Variants in SLC6A11 observed in about 807,000 individuals in gnomAD.
SLC6A11 encodes the protein sodium- and chloride-dependent GABA transporter 3.
SLC6A11 carries 25 observed loss-of-function variants against 74.8 expected under a neutral mutation model. The observed-to-expected ratio is 0.33, with a 90% CI of 0.24 to 0.47. SLC6A11 has a LOEUF of 0.47. Ranked by LOEUF, SLC6A11 falls within the 20% of genes least tolerant of loss-of-function variation. The probability of loss-of-function intolerance (pLI) is 1.00; values close to 1 mark genes in which losing one functional copy is unlikely to be tolerated. For synonymous variants in SLC6A11, 330 were observed against 330.2 expected, an observed-to-expected ratio of 1.00 and a Z score of 0.01; for missense variants, 574 against 837.0, an observed-to-expected ratio of 0.69 and a Z score of 3.88.
chr3:10,904,758 C>T (rs1462224011), intron 6 of SLC6A11, among the ~76,000 whole-genome samples: 1 of 152,156 alleles, frequency 6.6e-6, no homozygotes, highest in African/African-American at 2.4e-5. Flanking sequence ...CAGGCCTACT[C>T]AGCAGACCAG....
intron 7 of SLC6A11, among the ~76,000 whole-genome samples, chr3:10,916,531 C>T (rs1444631565): frequency 6.6e-6 from 1 of 152,152 alleles, no homozygotes; most frequent in East Asian, 1.9e-4. Context: ...TTCTGGGGTC[C>T]AGGCCGAAGG....
At position 10,874,944 on chromosome 3, in the gene SLC6A11, T is replaced by A. The variant is rs1227436146; in HGVS notation, c.757-17T>A. On this transcript the variant is annotated splice_polypyrimidine_tract_variant and intron_variant, in intron 5 of 13. Coordinates refer to ENST00000254488, the MANE Select transcript of SLC6A11 (RefSeq NM_014229.3). ...TCTCACCCCCTTCTTGATTCTGTCC[T>A]CTCCTCTTGTGCACAGGTTGTATAC... 6.3e-7 allele frequency: 1 copy of A among 1,591,566 alleles called. No homozygotes were observed. The highest frequency in any genetic ancestry group is 2.3e-5 in the East Asian group (1 of 44,026).
Position 10,938,701 on chromosome 3 carries a change from T to C in SLC6A11, c.*299T>C, listed in dbSNP as rs1044033916. On this transcript the variant is annotated 3_prime_UTR_variant, in exon 14 of 14. Coordinates refer to ENST00000254488, the MANE Select transcript of SLC6A11 (RefSeq NM_014229.3). ...GGGATTAGGAAGAAGTGTATAATAT[T>C]GTAAAACTTTTTTTACTGGGGTTGT... The C allele has an allele frequency of 2.7e-5, 6 of 225,364 alleles. No homozygotes were observed. Among genetic ancestry groups the C allele is most frequent in the Non-Finnish European group, 5.2e-5 (6 of 116,370 alleles). The allele number at this position is 225,364 out of a possible 1,614,324, so 14.0% of individuals were successfully genotyped here.
rs76007414 is a variant in SLC6A11 at position 10,931,997 on chromosome 3, T to C, written c.1372-1154T>C. 2.6e-5 allele frequency among the ~76,000 whole-genome samples: 4 copies of C among 152,322 alleles called. No individual in the cohort carries two copies. In the East Asian group the frequency reaches 7.7e-4, roughly 29 times the overall value. ...GTTTCATTCCAGCCCCCTAATGCAC[T>C]GTCCTGGTATTCAGGCTACCCCACC... is the stretch of plus-strand genomic sequence containing the variant. On this transcript the variant is annotated intron_variant, in intron 10 of 13. Transcript: ENST00000254488.
At position 10,823,378 on chromosome 3, in the gene SLC6A11, C is replaced by A; in HGVS notation, c.609C>A (p.Val203=). The stretch of plus-strand genomic sequence containing the variant: ...CTCTGCAGAATGCCACCTCCCCTGT[C>A]ATGGAGTTTTGGGAGTAAGTGGAGA... ...HVSLQNATSP[V]MEFWEHRVLA... The change falls in exon 4 of 14, where the codon GTC becomes GTA. Residue 203 remains valine (V), a synonymous_variant. Transcript: ENST00000254488. 6.2e-7 allele frequency: 1 copy of A among 1,612,428 alleles called. No individual in the cohort carries two copies. Among genetic ancestry groups the A allele is most frequent in the South Asian group, 1.1e-5 (1 of 91,038 alleles).
intron 6 of SLC6A11, among the ~76,000 whole-genome samples, chr3:10,910,538 G>A (rs528030764): frequency 3.3e-5 from 5 of 152,124 alleles, no homozygotes; most frequent in African/African-American, 9.7e-5. Flanking sequence ...GTGAGCTTCC[G>A]GTCACTGGTG....
At position 10,918,286 on chromosome 3, in the gene SLC6A11, T is replaced by G; in HGVS notation, c.996-43T>G. On this transcript the variant is annotated intron_variant, in intron 7 of 13. Transcript: ENST00000254488. The surrounding 1 kb of genome is among the most constrained non-coding windows in gnomAD (Gnocchi z 4.5). ...GAGAACGTTTGAGCCGTGCACCGGT[T>G]CTGCCCGCTCTGACCCTAGTGCCTC... The G allele has an allele frequency of 1.3e-6, 2 of 1,525,814 alleles. No individual in the cohort carries two copies. Among genetic ancestry groups the G allele is most frequent in the Non-Finnish European group, 8.8e-7 (1 of 1,138,420 alleles). The allele number at this position is 1,525,814 out of a possible 1,614,324, so 94.5% of individuals were successfully genotyped here.
At chr3:10,871,394 T>A (rs1336612411) in intron 5 of SLC6A11, among the ~76,000 whole-genome samples, 1 of 152,222 alleles carries the variant, frequency 6.6e-6, no homozygotes, top group Non-Finnish European at 1.5e-5. Context: ...CCAAATATTA[T>A]GTATCTGGAA....
At position 10,829,341 on chromosome 3, in the gene SLC6A11, T is replaced by C. The variant is rs200641075; in HGVS notation, c.623+5949T>C. ...AGGCACAGGGTCCCTTCCAGCCTCA[T>C]CTCTACAGGTACAGAGTCATGGTTG... On this transcript the variant is annotated intron_variant, in intron 4 of 13. Coordinates refer to ENST00000254488, the MANE Select transcript of SLC6A11 (RefSeq NM_014229.3). Among the ~76,000 whole-genome samples the C allele has an allele frequency of 2.0e-5, 3 of 152,304 alleles. No homozygotes were observed. In the East Asian group the frequency reaches 5.8e-4, roughly 29 times the overall value.
chr3:10,819,377 G>A (rs1694106457), intron 1 of SLC6A11, 88 bp from the exon 2 acceptor site: 1 of 1,313,368 alleles, frequency 7.6e-7, no homozygotes, highest in East Asian at 2.3e-5. Flanking sequence ...ATCATGTCTG[G>A]CCTGTAGTAG....
intron 6 of SLC6A11, among the ~76,000 whole-genome samples, chr3:10,906,795 T>C (rs1250344807): frequency 3.9e-5 from 6 of 152,154 alleles, no homozygotes; most frequent in Non-Finnish European, 7.4e-5. Flanking sequence ...GAGAAAAGAA[T>C]AGAGAACAAT....
chr3:10,920,196 C>T (rs963737451), intron 8 of SLC6A11, among the ~76,000 whole-genome samples: 2 of 151,828 alleles, frequency 1.3e-5, no homozygotes, highest in Non-Finnish European at 2.9e-5. Flanking sequence ...GAGGGGAGTC[C>T]CAGAGAGGAG....
rs1575706309 is a variant in SLC6A11, at chr3:10,926,181, A to C, written c.1233+65A>C. 2.7e-6 allele frequency: 3 copies of C among 1,096,310 alleles called. No homozygotes were observed. Among genetic ancestry groups the C allele is most frequent in the Admixed American group, 1.9e-5 (1 of 52,208 alleles). The allele number at this position is 1,096,310 out of a possible 1,614,324, so 67.9% of individuals were successfully genotyped here. ...AGCCTGGGCCAGGAGGCCAGACGCC[A>C]CCCTTAGGAGTGGCTCCCCAGGCCC... On this transcript the variant is annotated intron_variant, in intron 9 of 13. Transcript: ENST00000254488. This position sits in a 1 kb window ranked among gnomAD's most constrained non-coding sequence, Gnocchi z 5.7.
rs1009600675 is a variant in SLC6A11 at position 10,838,576 on chromosome 3, C to G, written c.624-5638C>G. ...CCAGCCTGGCCAATATGGTGAAACC[C>G]TGTCTTTATTAAAAATACAAAAATT... On this transcript the variant is annotated intron_variant, in intron 4 of 13. Coordinates refer to ENST00000254488, the MANE Select transcript of SLC6A11 (RefSeq NM_014229.3). Among the ~76,000 whole-genome samples the G allele has an allele frequency of 5.3e-5, 8 of 152,300 alleles. No individual in the cohort carries two copies. In the East Asian group the frequency reaches 1.5e-3, roughly 29 times the overall value.
chr3:10,905,192 T>C (rs1695287557), intron 6 of SLC6A11, among the ~76,000 whole-genome samples: 2 of 152,242 alleles, frequency 1.3e-5, no homozygotes, highest in South Asian at 2.1e-4. Flanking sequence ...GCAGAGATAA[T>C]GCTGTGTTCA....
chr3:10,836,813 G>T (rs1456562983), intron 4 of SLC6A11, among the ~76,000 whole-genome samples: 1 of 152,154 alleles, frequency 6.6e-6, no homozygotes, highest in Non-Finnish European at 1.5e-5. Context: ...CTAGGACAAG[G>T]GTCAGCAAAC....
At chr3:10,835,749 A>G (rs987175452) in intron 4 of SLC6A11, among the ~76,000 whole-genome samples, 1 of 152,204 alleles carries the variant, frequency 6.6e-6, no homozygotes, top group African/African-American at 2.4e-5. Flanking sequence ...GGTGTACAAG[A>G]TAACTACACA....
At chr3:10,825,876 A>G (rs527360062) in intron 4 of SLC6A11, among the ~76,000 whole-genome samples, 1 of 152,116 alleles carries the variant, frequency 6.6e-6, no homozygotes, top group Non-Finnish European at 1.5e-5. Flanking sequence ...GTTCTGTTCC[A>G]CTGGTCTCTT....
At chr3:10,888,748 G>A (rs2106614198) in intron 6 of SLC6A11, among the ~76,000 whole-genome samples, 1 of 152,330 alleles carries the variant, frequency 6.6e-6, no homozygotes, top group Middle Eastern at 3.4e-3. Flanking sequence ...AGCTGTGCCA[G>A]CACAAAAGAG....
Sources: allele counts gnomAD v4.1 joint callset (sites outside exome capture counted in the v4.1 genomes callset), GRCh38; gene constraint gnomAD v4.1.1; non-coding constraint Gnocchi (gnomAD v3.1); transcripts MANE v1.5; gene names NCBI Gene and HGNC (gene_info 2026-07-23, HGNC 2026-07-21).